MROH1: variants seen among roughly 807,000 people sequenced by gnomAD.
The protein encoded by MROH1 is maestro heat like repeat family member 1, also known as maestro heat-like repeat-containing protein family member 1.
Under a neutral mutation model 116.5 loss-of-function variants are expected in MROH1, and 117 were observed. The ratio of observed to expected loss-of-function variants is 1.00; its 90% CI spans 0.86 to 1.17. MROH1 has a LOEUF of 1.17. Ranked by LOEUF, MROH1 falls within the 50% of genes most tolerant of loss-of-function variation. The pLI is 0.00. For synonymous variants in MROH1, 921 were observed against 583.9 expected (o/e 1.58, Z -8.32); for missense variants, 1,873 against 1,338.5 (o/e 1.40, Z -6.23).
chr8:144,242,735 C>A, intron 24 of MROH1, 107 bp downstream of exon 24: 1 of 706,684 alleles, frequency 1.4e-6, no homozygotes, highest in East Asian at 2.7e-5. Context: ...TTGGAGCTTG[C>A]TGGGGCTTCC....
intron 7 of MROH1, among the ~76,000 whole-genome samples, chr8:144,184,340 G>A (rs1283850282): frequency 2.6e-5 from 4 of 152,128 alleles, no homozygotes; most frequent in African/African-American, 4.8e-5. Flanking sequence ...GCAGGGTCTC[G>A]GCTCTGGTGT....
At position 144,180,407 on chromosome 8, in the gene MROH1, C is replaced by T. The variant is rs770278381; in HGVS notation, c.464-18C>T. On this transcript the variant is annotated intron_variant, in intron 6 of 43. Coordinates refer to ENST00000326134, the MANE Select transcript of MROH1 (RefSeq NM_032450.3). The surrounding 1 kb of genome is among the most constrained non-coding windows in gnomAD (Gnocchi z 7.4). The stretch of plus-strand genomic sequence containing the variant: ...TGGAAGCCTTGGCGGAGGCCTTTGA[C>T]GGTGTCCTCTCTCACAGCGTTCGGC... 1.0e-4 allele frequency: 162 copies of T among 1,612,662 alleles called. 2 individuals carry two copies. In the South Asian group the frequency reaches 1.2e-3, roughly 11 times the overall value.
At position 144,246,060 on chromosome 8, in the gene MROH1, C is replaced by T. The variant is rs894431527; in HGVS notation, c.2871+800C>T. ...CCTCCCTTCCTCCCCTCCCTCCCTCCCTTCCTCCTTCCTTTCCTTCCTTTC... is the reference window on the plus strand; with the variant it reads ...CCTCCCTTCCTCCCCTCCCTCCCTCTCTTCCTCCTTCCTTTCCTTCCTTTC... On this transcript the variant is annotated intron_variant, in intron 29 of 43. Coordinates refer to ENST00000326134, the MANE Select transcript of MROH1 (RefSeq NM_032450.3). 6.8e-5 allele frequency among the ~76,000 whole-genome samples: 9 copies of T among 132,360 alleles called. No homozygotes were observed. In the Admixed American group the frequency reaches 6.9e-4, roughly 10 times the overall value. 86.8% of individuals were successfully genotyped at this position (132,360 alleles called of 152,430 possible).
chr8:144,191,155 C>T (rs1231473419), intron 8 of MROH1, among the ~76,000 whole-genome samples: 2 of 152,148 alleles, frequency 1.3e-5, no homozygotes, highest in Admixed American at 6.5e-5. Flanking sequence ...CTGCAGCCTC[C>T]GCCTCTCTGC....
In MROH1 at chr8:144,240,588, G is replaced by A; in HGVS notation, c.1846G>A (p.Ala616Thr). The A allele has an allele frequency of 1.4e-6, 1 of 717,266 alleles. No homozygotes were observed. The allele number at this position is 717,266 out of a possible 1,614,324, so 44.4% of individuals were successfully genotyped here. A position where few individuals can be genotyped will look rare whatever the true frequency, so the allele number is the denominator to read the frequency against. The change falls in exon 20 of 44, where the codon GCC becomes ACC. Residue 616 changes from alanine to threonine, a missense_variant. Coordinates refer to ENST00000326134, the MANE Select transcript of MROH1 (RefSeq NM_032450.3). ...CCTGCAGTTCCTGCGAGACACCCTG[G>A]CCATCATTTCTGACAACGCGTGGAT... ...KLLMFLRDTL[A>T]IISDNAWICQ...
intron 37 of MROH1, 120 bp from the exon 38 acceptor site, chr8:144,259,791 G>A (rs1844649982): frequency 2.9e-6 from 2 of 698,028 alleles, no homozygotes; most frequent in African/African-American, 1.8e-5. Context: ...CAGGGAGTAG[G>A]TGCTCCACCT....
rs1825387154 is a variant in MROH1, at chr8:144,180,667, C to T, written c.562+144C>T. 1.3e-6 allele frequency: 1 copy of T among 741,660 alleles called. No individual in the cohort carries two copies. Among genetic ancestry groups the T allele is most frequent in the Non-Finnish European group, 2.2e-6 (1 of 462,590 alleles). 45.9% of individuals were successfully genotyped at this position (741,660 alleles called of 1,614,324 possible). A position where few individuals can be genotyped will look rare whatever the true frequency, so the allele number is the denominator to read the frequency against. ...GGAGGGAGGGGCCCCCTGGCTGAGG[C>T]TGCTGGCTGGTTGGGGGGCCCATGT... On this transcript the variant is annotated intron_variant, in intron 7 of 43. Transcript: ENST00000326134. This position sits in a 1 kb window ranked among gnomAD's most constrained non-coding sequence, Gnocchi z 7.4.
At chr8:144,261,373 C>T in intron 43 of MROH1, 24 bp downstream of exon 43, 1 of 701,402 alleles carries the variant, frequency 1.4e-6, no homozygotes, top group Admixed American at 2.0e-5. Context: ...CACGGGGCCC[C>T]TCCGCTGGGC....
chr8:144,178,107 C>T (rs377030020), intron 4 of MROH1, among the ~76,000 whole-genome samples: 3 of 149,666 alleles, frequency 2.0e-5, no homozygotes, highest in African/African-American at 7.4e-5. Context: ...TTACAGGTGC[C>T]GGCCACTGTG....
At position 144,259,238 on chromosome 8, in the gene MROH1, A is replaced by C; in HGVS notation, c.3930-2A>C. On this transcript the variant is annotated splice_acceptor_variant, in intron 36 of 43. Coordinates refer to ENST00000326134, the MANE Select transcript of MROH1 (RefSeq NM_032450.3). LOFTEE classifies it high-confidence loss of function. ...TGCACCCTCAGCGGCCCCCTTTCCC[A>C]GGGCCATGGCTGAGCACGCAGGGCC... 1.4e-6 allele frequency: 1 copy of C among 713,448 alleles called. No homozygotes were observed. The highest frequency in any genetic ancestry group is 2.6e-6 in the Non-Finnish European group (1 of 384,832). The allele number at this position is 713,448 out of a possible 1,614,324, so 44.2% of individuals were successfully genotyped here.
Position 144,260,200 on chromosome 8 carries a change from C to T in MROH1, c.4206C>T (p.Gly1402=), listed in dbSNP as rs1210073987. ...GGTATCCTCAGGTGCGAACCCACGG[C>T]CCCCAGCTCCTCACAGCCATGATTG... is the stretch of plus-strand genomic sequence containing the variant. ...SGCPDKVRTH[G]PQLLTAMIGG... Residue 1402 remains glycine (G), a synonymous_variant, in exon 39 of 44, where the codon GGC becomes GGT. Transcript: ENST00000326134. 6.5e-6 allele frequency: 5 copies of T among 765,092 alleles called. No homozygotes were observed. The highest frequency in any genetic ancestry group is 4.0e-5 in the South Asian group (3 of 74,546). 47.4% of individuals were successfully genotyped at this position (765,092 alleles called of 1,614,324 possible). A position where few individuals can be genotyped will look rare whatever the true frequency, so the allele number is the denominator to read the frequency against.
intron 29 of MROH1, 114 bp from the exon 30 acceptor site, chr8:144,247,187 C>T (rs1290666757): frequency 8.8e-6 from 6 of 685,116 alleles, no homozygotes; most frequent in African/African-American, 3.5e-5. Flanking sequence ...CCCAGGGCTT[C>T]GTGGACACCA....
chr8:144,188,456 T>A (rs1225839068), intron 7 of MROH1, among the ~76,000 whole-genome samples: 40 of 1,516 alleles, frequency 0.026, no homozygotes, highest in African/African-American at 0.034. Flanking sequence ...CCAATTTTTT[T>A]TTTTTTTTTT....
chr8:144,188,236 C>T (rs2131531541), intron 7 of MROH1, among the ~76,000 whole-genome samples: 1 of 152,202 alleles, frequency 6.6e-6, no homozygotes, highest in South Asian at 2.1e-4. Flanking sequence ...TGAACATCAC[C>T]AAGAAAAAGA....
At chr8:144,164,233 C>G (rs1375632729) in intron 3 of MROH1, among the ~76,000 whole-genome samples, 4 of 151,454 alleles carry the variant, frequency 2.6e-5, no homozygotes, top group Non-Finnish European at 5.9e-5. Flanking sequence ...GGTGAAACCC[C>G]GTCTCTCCTA....
intron 12 of MROH1, among the ~76,000 whole-genome samples, chr8:144,216,792 C>T (rs931911276): frequency 3.3e-5 from 5 of 151,222 alleles, no homozygotes; most frequent in East Asian, 2.0e-4. Flanking sequence ...TGGGTTCAAG[C>T]GATTCTCCTG....
chr8:144,239,230 C>T, intron 16 of MROH1, 51 bp downstream of exon 16: 3 of 758,172 alleles, frequency 4.0e-6, no homozygotes, highest in Admixed American at 1.7e-5. Context: ...CACTTCCCCA[C>T]TCCTGCCCCC....
chr8:144,189,440 G>A (rs1410003073), intron 7 of MROH1, among the ~76,000 whole-genome samples: 3 of 152,210 alleles, frequency 2.0e-5, no homozygotes, highest in African/African-American at 7.2e-5. Context: ...CTGACCACTT[G>A]CACATCACCT....
At chr8:144,230,077 C>T (rs1838564950) in intron 14 of MROH1, among the ~76,000 whole-genome samples, 1 of 152,160 alleles carries the variant, frequency 6.6e-6, no homozygotes. Context: ...TGCTAATCTC[C>T]TGGACAACTT....
Sources: allele counts gnomAD v4.1 joint callset (sites outside exome capture counted in the v4.1 genomes callset), GRCh38; gene constraint gnomAD v4.1.1; non-coding constraint Gnocchi (gnomAD v3.1); transcripts MANE v1.5; gene names NCBI Gene and HGNC (gene_info 2026-07-23, HGNC 2026-07-21).